SPAG16: variants seen among roughly 807,000 people sequenced by gnomAD.
SPAG16 encodes the protein sperm associated antigen 16.
A neutral mutation model predicts 80.4 loss-of-function variants in SPAG16; 86 were observed. That is an observed-to-expected ratio of 1.07 (90% confidence interval 0.90 to 1.28). The LOEUF is 1.28. Ranked by LOEUF, SPAG16 falls within the 50% of genes most tolerant of loss-of-function variation. The pLI is 0.00. For missense variants in SPAG16, 870 were observed against 765.3 expected, an observed-to-expected ratio of 1.14 and a Z score of -1.61; for synonymous variants, 294 against 265.9, an observed-to-expected ratio of 1.11 and a Z score of -1.03.
chr2:213,355,664 T>G (rs542403686), intron 7 of SPAG16, among the ~76,000 whole-genome samples: 7 of 152,254 alleles, frequency 4.6e-5, no homozygotes, highest in African/African-American at 1.7e-4. Context: ...GGCCCTCTGT[T>G]TGTCTGTTAT....
intron 10 of SPAG16, among the ~76,000 whole-genome samples, chr2:213,812,468 C>T (rs960596268): frequency 6.6e-6 from 1 of 152,056 alleles, no homozygotes; most frequent in Non-Finnish European, 1.5e-5. Context: ...TTATTACAAC[C>T]AAAATATCTT....
chr2:213,554,000 C>T (rs903472992), intron 10 of SPAG16, among the ~76,000 whole-genome samples: 1 of 152,102 alleles, frequency 6.6e-6, no homozygotes, highest in South Asian at 2.1e-4. Flanking sequence ...GAGCCATAGC[C>T]CCTTCATGTT....
At chr2:214,205,635 C>A (rs2058123007) in intron 15 of SPAG16, among the ~76,000 whole-genome samples, 1 of 151,938 alleles carries the variant, frequency 6.6e-6, no homozygotes, top group Non-Finnish European at 1.5e-5. Context: ...GGATATAAAA[C>A]CCATAAATAA....
intron 9 of SPAG16, among the ~76,000 whole-genome samples, chr2:213,466,500 C>A (rs971813238): frequency 6.6e-6 from 1 of 152,160 alleles, no homozygotes; most frequent in African/African-American, 2.4e-5. Flanking sequence ...TGTCCATAAT[C>A]TGCAGAATCA....
intron 15 of SPAG16, among the ~76,000 whole-genome samples, chr2:214,334,435 G>T (rs1406795568): frequency 2.0e-5 from 3 of 152,140 alleles, no homozygotes; most frequent in South Asian, 2.1e-4. Context: ...GAATTCTTTG[G>T]ATCCCAATTT....
chr2:213,759,174 C>T (rs1484580839), intron 10 of SPAG16, among the ~76,000 whole-genome samples: 1 of 151,990 alleles, frequency 6.6e-6, no homozygotes, highest in Non-Finnish European at 1.5e-5. Context: ...AATCCTCCTG[C>T]AGAGTGAAAT....
At chr2:213,654,467 C>T (rs372124900) in intron 10 of SPAG16, among the ~76,000 whole-genome samples, 138 of 138,348 alleles carry the variant, frequency 1.0e-3, no homozygotes, top group African/African-American at 3.4e-3. Context: ...GAGGCCAGGG[C>T]GGGTGGATCA....
chr2:213,865,066 C>A (rs945283729), intron 11 of SPAG16, among the ~76,000 whole-genome samples: 2 of 152,014 alleles, frequency 1.3e-5, no homozygotes, highest in Non-Finnish European at 2.9e-5. Flanking sequence ...CAAGGTATCT[C>A]TCTCAACTTT....
chr2:213,589,946 A>G (rs1481726579), intron 10 of SPAG16, among the ~76,000 whole-genome samples: 3 of 151,782 alleles, frequency 2.0e-5, no homozygotes, highest in Non-Finnish European at 4.4e-5. Context: ...AATCCTTTGA[A>G]CACTGGGGAC....
chr2:214,272,028 T>C (rs1692065136), intron 15 of SPAG16, among the ~76,000 whole-genome samples: 1 of 152,126 alleles, frequency 6.6e-6, no homozygotes. Context: ...AAATTTGTGA[T>C]CTTAATATAC....
chr2:213,620,075 C>T (rs1369955049), intron 10 of SPAG16, among the ~76,000 whole-genome samples: 1 of 151,876 alleles, frequency 6.6e-6, no homozygotes, highest in Non-Finnish European at 1.5e-5. Flanking sequence ...TAAAATACCA[C>T]ATGTTCTCAC....
At chr2:213,828,439 A>G (rs533108520) in intron 10 of SPAG16, among the ~76,000 whole-genome samples, 10 of 152,188 alleles carry the variant, frequency 6.6e-5, no homozygotes, top group African/African-American at 1.7e-4. Context: ...GTGTTATTTT[A>G]AATTTCTTGA....
intron 10 of SPAG16, among the ~76,000 whole-genome samples, chr2:213,819,940 T>TG (rs1425138127): frequency 6.7e-5 from 7 of 103,836 alleles, no homozygotes; most frequent in Non-Finnish European, 1.1e-4. Flanking sequence ...TAATTTTTCG[T>TG]GTTTTTTTTT....
intron 9 of SPAG16, among the ~76,000 whole-genome samples, chr2:213,466,522 A>G (rs2072706005): frequency 6.6e-6 from 1 of 152,180 alleles, no homozygotes; most frequent in South Asian, 2.1e-4. Flanking sequence ...GTAATGCCCA[A>G]GAACCCCCTC....
chr2:214,029,617 AG>A (rs11303162), intron 13 of SPAG16, among the ~76,000 whole-genome samples: 59,234 of 151,676 alleles, frequency 0.39, 12,796 homozygotes, highest in East Asian at 0.51. Flanking sequence ...AACACACAAA[AG>A]AAAAGAATGT....
chr2:213,347,070 A>T (rs1280109490), intron 6 of SPAG16, among the ~76,000 whole-genome samples: 2 of 152,126 alleles, frequency 1.3e-5, no homozygotes, highest in Non-Finnish European at 2.9e-5. Context: ...AGAGCCTGCA[A>T]TTGGTCTATT....
At chr2:213,540,546 C>T (rs991763828) in intron 10 of SPAG16, among the ~76,000 whole-genome samples, 4 of 151,918 alleles carry the variant, frequency 2.6e-5, no homozygotes, top group Non-Finnish European at 5.9e-5. Context: ...TATTTCTTTT[C>T]ATCTTTAATT....
At chr2:214,241,519 G>A (rs17766309) in intron 15 of SPAG16, 5 of 152,192 alleles carry the variant, frequency 3.3e-5, no homozygotes, top group African/African-American at 1.2e-4. Context: ...ACCCTTACAT[G>A]CAGTATCAGT....
At chr2:213,784,688 G>C (rs1042487552) in intron 10 of SPAG16, among the ~76,000 whole-genome samples, 2 of 136,974 alleles carry the variant, frequency 1.5e-5, no homozygotes, top group African/African-American at 5.3e-5. Context: ...ACTATATGCT[G>C]TTTGCTCTCT....
Sources: gnomAD v4.1 joint callset for allele counts (sites outside exome capture counted in the v4.1 genomes callset) on GRCh38, gnomAD v4.1.1 for gene constraint, MANE v1.5 for transcripts, NCBI Gene and HGNC (gene_info 2026-07-23, HGNC 2026-07-21) for gene names.